The following TMEM94 variants were observed in gnomAD, a reference collection of about 807,000 sequenced individuals.
TMEM94 encodes the protein transmembrane protein 94.
TMEM94 carries 81 observed loss-of-function variants against 158.6 expected under a neutral mutation model. The observed-to-expected ratio is 0.51, with a 90% CI of 0.43 to 0.61. The LOEUF is 0.61. Ranked by LOEUF, TMEM94 falls within the 20% of genes least tolerant of loss-of-function variation. The pLI is 0.00. For missense variants in TMEM94, 1,435 were observed against 1,762.0 expected (o/e 0.81, Z 3.32); for synonymous variants, 751 against 730.7 (o/e 1.03, Z -0.45).
Position 75,487,771 on chromosome 17 carries a change from C to T in TMEM94, c.410-161C>T, listed in dbSNP as rs559082692. ...GCCGGGTAGGGCTTTATAAGGGAGG[C>T]ATCCTTGAAAGCAGGGAAGTGTTGG... On this transcript the variant is annotated intron_variant, in intron 5 of 31. Transcript: ENST00000314256. The surrounding 1 kb of genome is among the most constrained non-coding windows in gnomAD (Gnocchi z 4.6). Among the ~76,000 whole-genome samples the T allele has an allele frequency of 6.6e-6, 1 of 152,242 alleles. No homozygotes were observed.
At position 75,495,885 on chromosome 17, in the gene TMEM94, C is replaced by T. The variant is rs1459314488; in HGVS notation, c.2945-81C>T. On this transcript the variant is annotated intron_variant, in intron 22 of 31. Transcript: ENST00000314256. This position sits in a 1 kb window ranked among gnomAD's most constrained non-coding sequence, Gnocchi z 5.6. Reference sequence around the variant, plus strand: ...GGCCCACCTCCCATCGCCTCCTGCTCTCCTGTCCCATGGGTCTCTGCCCAG... The same window carrying T: ...GGCCCACCTCCCATCGCCTCCTGCTTTCCTGTCCCATGGGTCTCTGCCCAG... 7 of 1,059,888 alleles carry T rather than the reference C, an allele frequency of 6.6e-6. No homozygotes were observed. In the East Asian group the frequency reaches 7.6e-5, roughly 11 times the overall value. 65.7% of individuals were successfully genotyped at this position (1,059,888 alleles called of 1,614,324 possible).
At chr17:75,475,551 C>G (rs1330484490) in intron 2 of TMEM94, among the ~76,000 whole-genome samples, 3 of 152,240 alleles carry the variant, frequency 2.0e-5, no homozygotes, top group African/African-American at 7.2e-5. Flanking sequence ...CCTGCTTCAC[C>G]CAGGGTGCCT....
intron 1 of TMEM94, among the ~76,000 whole-genome samples, chr17:75,465,679 A>ATATATTTTTTTTTT (rs1247855961): frequency 3.2e-5 from 4 of 124,848 alleles, no homozygotes; most frequent in African/African-American, 7.0e-5. Flanking sequence ...ATATATATAT[A>ATATATTTTTTTTTT]TTTTTTTTTA....
Position 75,485,371 on chromosome 17 carries a change from G to C in TMEM94, c.25-57G>C. Reference sequence around the variant, plus strand: ...AGGGAAGGGGAGGGTTGGGGCCCGCGTGCCTTGCATAGCCTTGGCCTGGCA... The same window carrying C: ...AGGGAAGGGGAGGGTTGGGGCCCGCCTGCCTTGCATAGCCTTGGCCTGGCA... On this transcript the variant is annotated intron_variant, in intron 2 of 31. Coordinates refer to ENST00000314256, the MANE Select transcript of TMEM94 (RefSeq NM_014738.6). The surrounding 1 kb of genome is among the most constrained non-coding windows in gnomAD (Gnocchi z 5.5). 1 of 1,582,056 alleles carries C rather than the reference G, an allele frequency of 6.3e-7. No individual in the cohort carries two copies. Among genetic ancestry groups the C allele is most frequent in the South Asian group, 1.1e-5 (1 of 89,952 alleles).
intron 16 of TMEM94, 138 bp from the exon 17 acceptor site, chr17:75,493,353 C>A: frequency 1.1e-6 from 1 of 914,218 alleles, no homozygotes; most frequent in Non-Finnish European, 1.7e-6. Flanking sequence ...CAGAGCCTTG[C>A]TGTCCGTGAG....
chr17:75,461,044 G>A (rs2050047889), intron 1 of TMEM94, among the ~76,000 whole-genome samples: 1 of 145,514 alleles, frequency 6.9e-6, no homozygotes, highest in South Asian at 2.2e-4. Context: ...GACTATTCTA[G>A]AAACCTCATA....
Position 75,486,382 on chromosome 17 carries a change from G to A in TMEM94, c.365G>A (p.Arg122Gln), listed in dbSNP as rs143448418. 20 of 1,614,078 alleles carry A rather than the reference G, an allele frequency of 1.2e-5. No homozygotes were observed. Among genetic ancestry groups the A allele is most frequent in the East Asian group, 4.5e-5 (2 of 44,900 alleles). ...LIGRQDRLKR[R>Q]EVERRLRGII... Reference sequence around the variant, plus strand: ...GGGCGGCAAGACCGGCTGAAGCGTCGGGAGGTAGAGCGGAGGCTGCGAGGG... The same window carrying A: ...GGGCGGCAAGACCGGCTGAAGCGTCAGGAGGTAGAGCGGAGGCTGCGAGGG... Residue 122 changes from arginine (R) to glutamine (Q), a missense_variant, in exon 5 of 32, where the codon CGG (arginine) becomes CAG (glutamine). Transcript: ENST00000314256.
chr17:75,481,453 C>T (rs1008855469), intron 2 of TMEM94, among the ~76,000 whole-genome samples: 1 of 152,200 alleles, frequency 6.6e-6, no homozygotes, highest in Non-Finnish European at 1.5e-5. Context: ...TCCCTCAGGC[C>T]AGCACTGGGG....
At chr17:75,497,021 A>G (rs746929741) in intron 25 of TMEM94, 92 bp from the exon 26 acceptor site, 2 of 1,178,044 alleles carry the variant, frequency 1.7e-6, no homozygotes, top group Non-Finnish European at 2.5e-6. Flanking sequence ...GTGAGCATCT[A>G]TCTGGGCCCA....
chr17:75,476,532 C>A, intron 2 of TMEM94: 3 of 1,432,526 alleles, frequency 2.1e-6, no homozygotes, highest in Admixed American at 2.8e-5. Flanking sequence ...TGCTCTGCTG[C>A]GCCTGATTCT....
At position 75,490,696 on chromosome 17, in the gene TMEM94, G is replaced by A. The variant is rs202062516; in HGVS notation, c.1072-6G>A. On this transcript the variant is annotated splice_polypyrimidine_tract_variant and splice_region_variant and intron_variant, in intron 10 of 31. Transcript: ENST00000314256. Reference sequence around the variant, plus strand: ...TCACTGAGGACCTCACCCTCTCTCCGTGCAGCTGGCTAAGTTCTCAGAGGA... The same window carrying A: ...TCACTGAGGACCTCACCCTCTCTCCATGCAGCTGGCTAAGTTCTCAGAGGA... 2.5e-4 allele frequency: 399 copies of A among 1,613,902 alleles called. 1 individual carries two copies. The Middle Eastern group carries it at 4.5e-3, about 18-fold the overall frequency.
chr17:75,492,274 T>C lies in TMEM94; in HGVS notation c.1597-200T>C, dbSNP rs2052271268. ...TGTCATGAGATATATTAATAGTCCATAGAAGCAGACAGGAGCCCAAGAAGG... is the reference window on the plus strand; with the variant it reads ...TGTCATGAGATATATTAATAGTCCACAGAAGCAGACAGGAGCCCAAGAAGG... On this transcript the variant is annotated intron_variant, in intron 14 of 31. Coordinates refer to ENST00000314256, the MANE Select transcript of TMEM94 (RefSeq NM_014738.6). This position sits in a 1 kb window ranked among gnomAD's most constrained non-coding sequence, Gnocchi z 4.4. 4 of 1,426,334 alleles carry C rather than the reference T, an allele frequency of 2.8e-6. No homozygotes were observed. Among genetic ancestry groups the C allele is most frequent in the South Asian group, 3.1e-5 (2 of 64,818 alleles). The allele number at this position is 1,426,334 out of a possible 1,614,324, so 88.4% of individuals were successfully genotyped here. A position where few individuals can be genotyped will look rare whatever the true frequency, so the allele number is the denominator to read the frequency against.
At position 75,485,839 on chromosome 17, in the gene TMEM94, C is replaced by G; in HGVS notation, c.145-32C>G. On this transcript the variant is annotated intron_variant, in intron 3 of 31. Coordinates refer to ENST00000314256, the MANE Select transcript of TMEM94 (RefSeq NM_014738.6). This position sits in a 1 kb window ranked among gnomAD's most constrained non-coding sequence, Gnocchi z 5.5. Reference sequence around the variant, plus strand: ...AGCCAGATTGGAGTGGGACAGGCCTCTCATTGTCCCCTCCCTGTCCGAACT... The same window carrying G: ...AGCCAGATTGGAGTGGGACAGGCCTGTCATTGTCCCCTCCCTGTCCGAACT... 6.3e-7 allele frequency: 1 copy of G among 1,590,392 alleles called. No individual in the cohort carries two copies. Among genetic ancestry groups the G allele is most frequent in the Non-Finnish European group, 8.6e-7 (1 of 1,166,218 alleles).
At chr17:75,475,872 G>A (rs979220398) in intron 2 of TMEM94, among the ~76,000 whole-genome samples, 2 of 152,202 alleles carry the variant, frequency 1.3e-5, no homozygotes, top group African/African-American at 4.8e-5. Flanking sequence ...AGGCCCTTTG[G>A]GCTGGCTCTT....
At position 75,463,108 on chromosome 17, in the gene TMEM94, A is replaced by G. The variant is rs1382930118; in HGVS notation, c.-107+6357A>G. Among the ~76,000 whole-genome samples, 13 of 12,878 alleles carry G rather than the reference A, an allele frequency of 1.0e-3. 2 individuals carry two copies. The African/African-American group carries it at 0.015, about 15-fold the overall frequency. The allele number at this position is 12,878 out of a possible 152,430, so 8.4% of individuals were successfully genotyped here. ...CACACACACACATATATATGTGTGT[A>G]TATATATGTATATATATACGTGTAT... On this transcript the variant is annotated intron_variant, in intron 1 of 31. Coordinates refer to ENST00000314256, the MANE Select transcript of TMEM94 (RefSeq NM_014738.6).
At chr17:75,499,190 C>T (rs1056488085) in intron 31 of TMEM94, 72 bp from the exon 32 acceptor site, 52 of 1,598,700 alleles carry the variant, frequency 3.3e-5, no homozygotes, top group Non-Finnish European at 3.8e-5. Flanking sequence ...CTCCCTCCTC[C>T]TCTGGTGTCC....
In TMEM94 at chr17:75,489,017, G is replaced by C; in HGVS notation, c.764+107G>C. On this transcript the variant is annotated intron_variant, in intron 7 of 31. Coordinates refer to ENST00000314256, the MANE Select transcript of TMEM94 (RefSeq NM_014738.6). This position sits in a 1 kb window ranked among gnomAD's most constrained non-coding sequence, Gnocchi z 5.0. The stretch of plus-strand genomic sequence containing the variant: ...TCATCTCGAGGTTCTCTTGAGGGCA[G>C]GCATCTCCTTAGGCTCCTGTCCTTA... The C allele has an allele frequency of 8.1e-7, 1 of 1,234,590 alleles. No homozygotes were observed. Among genetic ancestry groups the C allele is most frequent in the Non-Finnish European group, 1.1e-6 (1 of 878,634 alleles). The allele number at this position is 1,234,590 out of a possible 1,614,324, so 76.5% of individuals were successfully genotyped here.
intron 2 of TMEM94, among the ~76,000 whole-genome samples, chr17:75,477,055 A>C (rs2146320723): frequency 6.6e-6 from 1 of 152,318 alleles, no homozygotes; most frequent in South Asian, 2.1e-4. Context: ...ACAGAAGCTC[A>C]GGGCCAGGAT....
chr17:75,461,421 GA>G (rs1421754018), intron 1 of TMEM94, among the ~76,000 whole-genome samples: 7 of 151,852 alleles, frequency 4.6e-5, no homozygotes, highest in African/African-American at 1.7e-4. Flanking sequence ...ATCTTTTAAA[GA>G]CATATTGGAT....
Sources: allele counts gnomAD v4.1 joint callset (sites outside exome capture counted in the v4.1 genomes callset), GRCh38; gene constraint gnomAD v4.1.1; non-coding constraint Gnocchi (gnomAD v3.1); transcripts MANE v1.5; gene names NCBI Gene and HGNC (gene_info 2026-07-23, HGNC 2026-07-21).